EPG5: variants seen among roughly 807,000 people sequenced by gnomAD.
EPG5 encodes ectopic P granules protein 5 homolog.
A neutral mutation model predicts 302.7 loss-of-function variants in EPG5; 159 were observed. That is an observed-to-expected ratio of 0.53 (90% CI 0.46 to 0.60). The LOEUF is 0.60. Ranked by LOEUF, EPG5 falls within the 20% of genes least tolerant of loss-of-function variation. The pLI is 0.00. For synonymous variants in EPG5, 1,158 were observed against 1,136.8 expected (o/e 1.02, Z -0.37); for missense variants, 2,896 against 3,092.4 (o/e 0.94, Z 1.51).
intron 7 of EPG5, among the ~76,000 whole-genome samples, chr18:45,944,753 T>C (rs1034018575): frequency 2.0e-5 from 3 of 152,104 alleles, no homozygotes; most frequent in Non-Finnish European, 4.4e-5. Context: ...AGACTCCATC[T>C]CAAAAAAAAC....
chr18:45,877,465 T>C (rs1409091381), intron 34 of EPG5, among the ~76,000 whole-genome samples: 1 of 152,026 alleles, frequency 6.6e-6, no homozygotes, highest in Non-Finnish European at 1.5e-5. Flanking sequence ...GAAAACTCAA[T>C]ATCCAAATAG....
Position 45,901,144 on chromosome 18 carries a change from A to G in EPG5, c.4498T>C (p.Leu1500=). The change falls in exon 26 of 44, where the codon TTG becomes CTG. Residue 1500 remains leucine, a synonymous_variant. Transcript: ENST00000282041. ...GGCTGGGGAGCCTCATGCTTCCGCA[A>G]GTTACTTAAAACCCTTTCTTTAGCT... The part of the protein sequence containing the change: ...LLAKERVLSN[L]RKHEAPQPPL... 6.2e-7 allele frequency: 1 copy of G among 1,614,178 alleles called. No homozygotes were observed. The highest frequency in any genetic ancestry group is 8.5e-7 in the Non-Finnish European group (1 of 1,180,030).
intron 40 of EPG5, among the ~76,000 whole-genome samples, chr18:45,859,055 T>C (rs972491409): frequency 2.0e-5 from 3 of 152,218 alleles, no homozygotes; most frequent in Non-Finnish European, 4.4e-5. Flanking sequence ...AATTCAGGGC[T>C]GCATACGTAT....
chr18:45,876,975 G>C (rs1486331885), intron 34 of EPG5, among the ~76,000 whole-genome samples: 1 of 151,990 alleles, frequency 6.6e-6, no homozygotes, highest in African/African-American at 2.4e-5. Flanking sequence ...GCAGAGACAG[G>C]GTTTCACCAT....
downstream of EPG5, among the ~76,000 whole-genome samples, chr18:45,845,102 G>T (rs1444145469): frequency 2.0e-5 from 3 of 152,204 alleles, no homozygotes; most frequent in African/African-American, 7.2e-5. Flanking sequence ...TGATTCTTAA[G>T]CTAACGGTTG....
In EPG5 at chr18:45,910,568, G is replaced by A. The variant is rs1316507436; in HGVS notation, c.4158C>T (p.Gly1386=). The change falls in exon 23 of 44, where the codon GGC becomes GGT. Residue 1386 remains glycine, a synonymous_variant. Coordinates refer to ENST00000282041, the MANE Select transcript of EPG5 (RefSeq NM_020964.3). ...CTGGTGAAGTCAGGTAACCAGGGGTGCCAGAGTGGCTCTCTGGCAGCCCTT... is the reference window on the plus strand; with the variant it reads ...CTGGTGAAGTCAGGTAACCAGGGGTACCAGAGTGGCTCTCTGGCAGCCCTT... The part of the protein sequence containing the change: ...GSEGLPESHS[G]TPGYLTSPEL... 1 of 1,613,690 alleles carries A rather than the reference G, an allele frequency of 6.2e-7. No homozygotes were observed.
chr18:45,918,694 A>G lies in EPG5; in HGVS notation c.3099-875T>C, dbSNP rs540325530. On this transcript the variant is annotated intron_variant, in intron 16 of 43. Coordinates refer to ENST00000282041, the MANE Select transcript of EPG5 (RefSeq NM_020964.3). The stretch of plus-strand genomic sequence containing the variant: ...TTTCAATTGGAAATATTATTGTATC[A>G]TTTTAAAATAATACACATGATGACC... 2.0e-5 allele frequency among the ~76,000 whole-genome samples: 3 copies of G among 152,360 alleles called. No individual in the cohort carries two copies. The East Asian group carries it at 5.8e-4, about 29-fold the overall frequency.
chr18:45,828,144 T>C, the EPG5 span, among the ~76,000 whole-genome samples: 2 of 152,124 alleles, frequency 1.3e-5, no homozygotes, highest in South Asian at 2.1e-4. Context: ...AGGAGCAGGC[T>C]CTGCTCCACC....
intron 35 of EPG5, among the ~76,000 whole-genome samples, chr18:45,871,610 G>C (rs1436440100): frequency 6.6e-6 from 1 of 152,172 alleles, no homozygotes; most frequent in African/African-American, 2.4e-5. Context: ...TAGAAGAGGA[G>C]GAAATCCTGT....
chr18:45,948,745 G>A (rs2050841675), intron 5 of EPG5, among the ~76,000 whole-genome samples, 169 bp from the exon 6 acceptor site: 1 of 152,184 alleles, frequency 6.6e-6, no homozygotes, highest in Non-Finnish European at 1.5e-5. Context: ...GTGGCACTGA[G>A]TCAGCTGTAC....
At chr18:45,847,380 C>T (rs2048374295), downstream of EPG5, among the ~76,000 whole-genome samples, 1 of 152,194 alleles carries the variant, frequency 6.6e-6, no homozygotes, top group African/African-American at 2.4e-5. Flanking sequence ...ACAGACCCTC[C>T]TGACCTCTCT....
chr18:45,925,928 T>C (rs745729207), intron 13 of EPG5, 26 bp from the exon 14 acceptor site: 2 of 1,287,222 alleles, frequency 1.6e-6, no homozygotes, highest in Non-Finnish European at 1.0e-6. Flanking sequence ...ACAATAATCA[T>C]TAAATAAAGA....
chr18:45,928,700 C>T (rs532221512), intron 13 of EPG5, among the ~76,000 whole-genome samples, 169 bp downstream of exon 13: 12 of 152,240 alleles, frequency 7.9e-5, no homozygotes, highest in African/African-American at 2.9e-4. Context: ...CAGCTAATCC[C>T]AAGTTGGTGT....
intron 38 of EPG5, 111 bp from the exon 39 acceptor site, chr18:45,865,870 G>C: frequency 1.6e-6 from 2 of 1,248,594 alleles, no homozygotes; most frequent in Non-Finnish European, 2.2e-6. Flanking sequence ...GGGAGTAGAG[G>C]GGACAGAACA....
rs1159658160 is a variant in EPG5 at position 45,946,782 on chromosome 18, A to G, written c.1572-14T>C. 1 of 1,608,848 alleles carries G rather than the reference A, an allele frequency of 6.2e-7. No homozygotes were observed. The highest frequency in any genetic ancestry group is 1.3e-5 in the African/African-American group (1 of 74,828). ...TCAGCTCGATTTCTAAAGGACAAGA[A>G]TAATCACTCCCATCACTTAGATGTA... On this transcript the variant is annotated splice_polypyrimidine_tract_variant and intron_variant, in intron 6 of 43. Transcript: ENST00000282041.
rs374012879 is a variant in EPG5 at position 45,908,073 on chromosome 18, T to C, written c.4214A>G (p.Asn1405Ser). 7.2e-6 allele frequency: 11 copies of C among 1,521,846 alleles called. No individual in the cohort carries two copies. Among genetic ancestry groups the C allele is most frequent in the East Asian group, 2.3e-5 (1 of 43,660 alleles). The allele number at this position is 1,521,846 out of a possible 1,614,324, so 94.3% of individuals were successfully genotyped here. ...ATCTTCTAGCCATAATATATATACA[T>C]TGAAGAGCCTAAAAGATAAAAACAT... ...ELHKELVRLF[N>S]VYILWLEDEN... Residue 1405 changes from asparagine to serine, a missense_variant, in exon 24 of 44, where the codon AAT (asparagine) becomes AGT (serine). Asn to Ser is a conservative substitution (Grantham distance 46, BLOSUM62 1). Around this residue, in one of 5 missense-constraint regions of EPG5, gnomAD observed 790 missense variants for 798.0 expected, o/e 0.99. Coordinates refer to ENST00000282041, the MANE Select transcript of EPG5 (RefSeq NM_020964.3).
rs369136227 is a variant in EPG5, at chr18:45,901,093, G to A, written c.4549C>T (p.Pro1517Ser). 4 of 1,614,086 alleles carry A rather than the reference G, an allele frequency of 2.5e-6. No homozygotes were observed. Among genetic ancestry groups the A allele is most frequent in the Non-Finnish European group, 2.5e-6 (3 of 1,180,034 alleles). ...GCAGAGGAAATAACTGGCACAGGAG[G>A]CTTCGTCGGGTGCAGAGCAAGGGGA... ...QPPLALHPTK[P>S]PVPVISSAVL... Residue 1517 changes from proline (P) to serine (S), a missense_variant, in exon 26 of 44, where the codon CCT (proline) becomes TCT (serine). Physicochemically the swap from Pro to Ser is moderately conservative, Grantham distance 74. Transcript: ENST00000282041.
the EPG5 span, among the ~76,000 whole-genome samples, chr18:45,812,462 TC>T: frequency 1.8e-4 from 28 of 152,258 alleles, 1 homozygote; most frequent in South Asian, 5.8e-3. Context: ...CATTGCCAAG[TC>T]AATCCTAAGC....
intron 39 of EPG5, among the ~76,000 whole-genome samples, chr18:45,863,832 T>G (rs778054434): frequency 6.6e-6 from 1 of 152,256 alleles, no homozygotes; most frequent in Non-Finnish European, 1.5e-5. Flanking sequence ...TGTTTTGTTT[T>G]GTTTTTTAAT....
Sources: gnomAD v4.1 joint callset for allele counts (sites outside exome capture counted in the v4.1 genomes callset) on GRCh38, gnomAD v4.1.1 for gene constraint, gnomAD v4.1.1 regional missense constraint, MANE v1.5 for transcripts, NCBI Gene and HGNC (gene_info 2026-07-23, HGNC 2026-07-21) for gene names.